The following HLA-F variants were observed in gnomAD, a reference collection of about 807,000 sequenced individuals.
HLA-F encodes the protein major histocompatibility complex, class I, F, also known as HLA class I histocompatibility antigen, alpha chain F.
In HLA-F, 46 loss-of-function variants were observed where a neutral mutation model predicts 49.5. The ratio of observed to expected loss-of-function variants is 0.93; its 90% CI spans 0.73 to 1.19. The LOEUF is 1.19. Ranked by LOEUF, HLA-F falls within the 50% of genes most tolerant of loss-of-function variation. The pLI, the probability that HLA-F is intolerant of heterozygous loss-of-function variation, is 0.00. For missense variants in HLA-F, 496 were observed against 579.6 expected (o/e 0.86, Z 1.48); for synonymous variants, 203 against 233.5 (o/e 0.87, Z 1.19).
chr6:29,725,384 C>G, intron 4 of HLA-F, 63 bp from the exon 5 acceptor site: 1 of 1,610,204 alleles, frequency 6.2e-7, no homozygotes, highest in Non-Finnish European at 8.5e-7. Context: ...TTCTGGAGCT[C>G]TTCAGCAGGG....
chr6:29,725,438 C>T lies in HLA-F; in HGVS notation c.887-9C>T, dbSNP rs1242441240. On this transcript the variant is annotated splice_polypyrimidine_tract_variant and intron_variant, in intron 4 of 6. Transcript: ENST00000259951. Reference sequence around the variant, plus strand: ...GATCAGGGCCCCTCACCTTCCCTTCCTTTCCCAGAGCAGTCTCCCCAGCCC... The same window carrying T: ...GATCAGGGCCCCTCACCTTCCCTTCTTTTCCCAGAGCAGTCTCCCCAGCCC... 1.9e-6 allele frequency: 3 copies of T among 1,613,142 alleles called. No homozygotes were observed. The highest frequency in any genetic ancestry group is 2.5e-6 in the Non-Finnish European group (3 of 1,179,420).
downstream of HLA-F, among the ~76,000 whole-genome samples, chr6:29,731,231 A>ATG (rs1562301955): frequency 0.054 from 2,046 of 38,110 alleles, 48 homozygotes; most frequent in East Asian, 0.29. Context: ...GTAGATGGAT[A>ATG]CATAGATAGA....
At chr6:29,724,860 C>T (rs1775832991) in intron 3 of HLA-F, among the ~76,000 whole-genome samples, 171 bp from the exon 4 acceptor site, 1 of 152,214 alleles carries the variant, frequency 6.6e-6, no homozygotes, top group African/African-American at 2.4e-5. Flanking sequence ...GAGACTCTAA[C>T]TTTCCAAGGA....
At chr6:29,730,580 A>C (rs1048688770), downstream of HLA-F, among the ~76,000 whole-genome samples, 10 of 152,176 alleles carry the variant, frequency 6.6e-5, no homozygotes, top group African/African-American at 2.4e-4. Context: ...ATTAACAAGT[A>C]TATCAACACT....
downstream of HLA-F, among the ~76,000 whole-genome samples, chr6:29,729,519 A>C (rs573735535): frequency 6.6e-6 from 1 of 152,250 alleles, no homozygotes; most frequent in African/African-American, 2.4e-5. Flanking sequence ...AAGGAACTCA[A>C]CTTAGGAGTT....
At chr6:29,730,155 A>G (rs1339211939), downstream of HLA-F, among the ~76,000 whole-genome samples, 1 of 152,232 alleles carries the variant, frequency 6.6e-6, no homozygotes, top group African/African-American at 2.4e-5. Context: ...AAAAGGTGGA[A>G]GCAACCGAGT....
downstream of HLA-F, chr6:29,728,225 C>T (rs1410858875): frequency 1.0e-5 from 4 of 383,870 alleles, no homozygotes; most frequent in Admixed American, 3.0e-5. Flanking sequence ...GACTTTCTCT[C>T]CCTTGAGTAC....
intron 4 of HLA-F, 69 bp downstream of exon 4, chr6:29,725,375 T>TCTGGAGCTCTTCAGCTC (rs1325148016): frequency 2.4e-5 from 39 of 1,609,012 alleles, no homozygotes; most frequent in Non-Finnish European, 3.1e-5. Context: ...CAGGAGCCCT[T>TCTGGAGCTCTTCAGCTC]CTGGAGCTCT....
intron 3 of HLA-F, among the ~76,000 whole-genome samples, chr6:29,732,369 A>T (rs1776703874): frequency 6.6e-6 from 1 of 152,226 alleles, no homozygotes; most frequent in African/African-American, 2.4e-5. Context: ...ATGAAAGCAG[A>T]TGGATCTAAA....
At chr6:29,725,330 G>A (rs1241664266) in intron 4 of HLA-F, 24 bp downstream of exon 4, 1 of 1,613,354 alleles carries the variant, frequency 6.2e-7, no homozygotes, top group Admixed American at 1.7e-5. Context: ...TGGGTAAAGA[G>A]GGGAACGAGG....
chr6:29,728,273 T>C, downstream of HLA-F: 1 of 360,342 alleles, frequency 2.8e-6, no homozygotes, highest in Non-Finnish European at 5.5e-6. Flanking sequence ...GAAGGAAAAG[T>C]GTGGTCCCAC....
In HLA-F at chr6:29,723,978, C is replaced by G. The variant is rs556086260; in HGVS notation, c.334+51C>G. On this transcript the variant is annotated intron_variant, in intron 2 of 6. Coordinates refer to ENST00000259951, the MANE Select transcript of HLA-F (RefSeq NM_001098479.2). ...GGTCACGACCACCCCCCATCCGCCA[C>G]GGACCGCCCGGGTCCCTCAGAGTCT... 18 of 1,562,688 alleles carry G rather than the reference C, an allele frequency of 1.2e-5. No homozygotes were observed. The African/African-American group carries it at 2.3e-4, about 20-fold the overall frequency.
At chr6:29,731,521 G>C (rs1776612136), downstream of HLA-F, among the ~76,000 whole-genome samples, 1 of 107,698 alleles carries the variant, frequency 9.3e-6, no homozygotes, top group South Asian at 3.3e-4. Context: ...AAGTGTCCCA[G>C]ATTGAGAGAG....
chr6:29,724,011 C>G, intron 2 of HLA-F, 84 bp downstream of exon 2: 2 of 1,550,476 alleles, frequency 1.3e-6, no homozygotes, highest in Non-Finnish European at 8.7e-7. Flanking sequence ...TCTCCGGATC[C>G]GAAATCTACC....
intron 2 of HLA-F, 31 bp downstream of exon 2, chr6:29,723,958 C>T (rs777549588): frequency 3.8e-6 from 6 of 1,577,448 alleles, no homozygotes; most frequent in Non-Finnish European, 5.2e-6. Context: ...GCGCAGGTCA[C>T]GACCACCCCC....
At chr6:29,724,040 C>T (rs1173104901) in intron 2 of HLA-F, 113 bp downstream of exon 2, 2 of 1,545,394 alleles carry the variant, frequency 1.3e-6, no homozygotes, top group East Asian at 4.9e-5. Context: ...GCGGGACCCG[C>T]CCAGACCCTC....
In HLA-F at chr6:29,723,777, G is replaced by A; in HGVS notation, c.184G>A (p.Ala62Thr). 11 of 1,610,032 alleles carry A rather than the reference G, an allele frequency of 6.8e-6. No homozygotes were observed. Among genetic ancestry groups the A allele is most frequent in the Non-Finnish European group, 9.3e-6 (11 of 1,178,746 alleles). Residue 62 changes from alanine (A) to threonine (T), a missense_variant, in exon 2 of 7, where the codon GCG (alanine) becomes ACG (threonine). Coordinates refer to ENST00000259951, the MANE Select transcript of HLA-F (RefSeq NM_001098479.2). ...ATTCCTGCGGTTCGACAGCGACGCC[G>A]CGATTCCGAGGATGGAGCCGCGGGA... The part of the protein sequence containing the change: ...TQFLRFDSDA[A>T]IPRMEPREPW...
chr6:29,725,520 T>TG lies in HLA-F; in HGVS notation c.962dup (p.Ala322SerfsTer15). 6.2e-7 allele frequency: 1 copy of TG among 1,614,084 alleles called. No individual in the cohort carries two copies. The highest frequency in any genetic ancestry group is 8.5e-7 in the Non-Finnish European group (1 of 1,179,986). ...TTGTTGTCCTTGGAGCTGTGGTCAC[T>TG]GGAGCTGTGGTCGCTGCTGTGATGT... On this transcript the variant is annotated frameshift_variant, in exon 5 of 7. Transcript: ENST00000259951. LOFTEE classifies it high-confidence loss of function.
At chr6:29,732,980 G>A (rs1471865443) in intron 3 of HLA-F, among the ~76,000 whole-genome samples, 11 of 151,988 alleles carry the variant, frequency 7.2e-5, no homozygotes, top group Non-Finnish European at 2.9e-5. Flanking sequence ...TTGAGGTCGG[G>A]AGTTCGAGAC....
Sources: allele counts gnomAD v4.1 joint callset (sites outside exome capture counted in the v4.1 genomes callset), GRCh38; gene constraint gnomAD v4.1.1; transcripts MANE v1.5; gene names NCBI Gene and HGNC (gene_info 2026-07-23, HGNC 2026-07-21).